The following PEPD variants were observed in gnomAD, a reference collection of about 807,000 sequenced individuals.
PEPD encodes peptidase D.
In PEPD, 53 loss-of-function variants were observed where a neutral mutation model predicts 60.7. The observed-to-expected ratio is 0.87, with a 90% confidence interval of 0.70 to 1.10. PEPD has a LOEUF of 1.10. Among genes scored for constraint, PEPD ranks in the 50% least tolerant of loss-of-function variants. The pLI is 0.00. For missense variants in PEPD, 711 were observed against 711.9 expected (o/e 1.00, Z 0.01); for synonymous variants, 267 against 284.1 (o/e 0.94, Z 0.60).
intron 1 of PEPD, among the ~76,000 whole-genome samples, chr19:33,513,419 C>T (rs1461985532): frequency 1.3e-5 from 2 of 152,072 alleles, no homozygotes; most frequent in African/African-American, 4.8e-5. Flanking sequence ...CAGCCTCCCC[C>T]GACACAAAGC....
At chr19:33,425,687 G>GA (rs1008653386) in intron 9 of PEPD, among the ~76,000 whole-genome samples, 2 of 151,678 alleles carry the variant, frequency 1.3e-5, no homozygotes, top group African/African-American at 2.4e-5. Flanking sequence ...ATATTTAAAG[G>GA]AAAAAAAATG....
At chr19:33,512,025 C>T (rs192769760) in intron 2 of PEPD, among the ~76,000 whole-genome samples, 2 of 152,316 alleles carry the variant, frequency 1.3e-5, no homozygotes, top group Non-Finnish European at 2.9e-5. Context: ...CTCCCCTTCG[C>T]ATTCCCATCT....
intron 1 of PEPD, among the ~76,000 whole-genome samples, chr19:33,520,228 A>G (rs1042529128): frequency 6.6e-6 from 1 of 152,112 alleles, no homozygotes; most frequent in Admixed American, 6.6e-5. Flanking sequence ...ACTCCCTGTG[A>G]GCACCGAGCC....
intron 9 of PEPD, among the ~76,000 whole-genome samples, chr19:33,438,323 C>A (rs559062034): frequency 6.6e-6 from 1 of 152,346 alleles, no homozygotes; most frequent in African/African-American, 2.4e-5. Flanking sequence ...TCCTGCCCTG[C>A]AGGGGGCCCC....
chr19:33,418,510 A>G (rs1029074723), intron 9 of PEPD, among the ~76,000 whole-genome samples: 5 of 152,210 alleles, frequency 3.3e-5, no homozygotes, highest in Admixed American at 1.3e-4. Flanking sequence ...TTGAATTCCC[A>G]TGGAAGGAGG....
chr19:33,512,516 C>G (rs1970946363), intron 2 of PEPD, 77 bp downstream of exon 2: 1 of 1,443,622 alleles, frequency 6.9e-7, no homozygotes, highest in Admixed American at 1.7e-5. Context: ...ACTGGCCAAG[C>G]TGGGGCCTCC....
chr19:33,390,221 T>C (rs1641531582), intron 13 of PEPD, among the ~76,000 whole-genome samples: 1 of 152,184 alleles, frequency 6.6e-6, no homozygotes, highest in African/African-American at 2.4e-5. Flanking sequence ...GAAAACAGTT[T>C]GCTGCCAATT....
chr19:33,488,538 G>C (rs967800237), intron 6 of PEPD, among the ~76,000 whole-genome samples: 2 of 152,086 alleles, frequency 1.3e-5, no homozygotes, highest in Admixed American at 1.3e-4. Flanking sequence ...CTGAGGGCCT[G>C]GGGGCCTGGG....
At chr19:33,428,069 T>C (rs1440933906) in intron 9 of PEPD, among the ~76,000 whole-genome samples, 1 of 152,178 alleles carries the variant, frequency 6.6e-6, no homozygotes, top group Admixed American at 6.5e-5. Context: ...GTGGTCGTTA[T>C]GTGATGAGGG....
Position 33,387,131 on chromosome 19 carries a change from A to G in PEPD, c.*213T>C. The G allele has an allele frequency of 1.7e-6, 1 of 599,458 alleles. No individual in the cohort carries two copies. The highest frequency in any genetic ancestry group is 3.0e-5 in the Admixed American group (1 of 33,842). The allele number at this position is 599,458 out of a possible 1,614,324, so 37.1% of individuals were successfully genotyped here. ...AAGTCGCTCATTTAATAAGCAAGGT[A>G]TAAAACAGATTAAAGGTGGGAGCCT... On this transcript the variant is annotated 3_prime_UTR_variant, in exon 15 of 15. Transcript: ENST00000244137.
intron 4 of PEPD, among the ~76,000 whole-genome samples, chr19:33,497,383 C>T (rs1172316838): frequency 1.3e-5 from 2 of 152,270 alleles, no homozygotes; most frequent in Non-Finnish European, 2.9e-5. Flanking sequence ...GGTGATCCCG[C>T]CAGCCTTTGC....
chr19:33,411,563 G>A (rs1968773804), intron 11 of PEPD, 109 bp downstream of exon 11: 1 of 722,486 alleles, frequency 1.4e-6, no homozygotes, highest in Non-Finnish European at 2.5e-6. Context: ...ACTTGCTGTG[G>A]TCAGCCCTCT....
chr19:33,446,952 C>A (rs967725845), intron 9 of PEPD, among the ~76,000 whole-genome samples: 4 of 152,220 alleles, frequency 2.6e-5, no homozygotes, highest in Non-Finnish European at 4.4e-5. Context: ...CCCAGCCAGG[C>A]TCCGACTCAA....
At chr19:33,401,656 C>G in intron 12 of PEPD, 65 bp downstream of exon 12, 3 of 1,477,130 alleles carry the variant, frequency 2.0e-6, no homozygotes, top group Admixed American at 3.7e-5. Flanking sequence ...CTGCAGGCAC[C>G]TGCCACATAG....
At chr19:33,401,578 C>T (rs1468611424) in intron 12 of PEPD, 143 bp downstream of exon 12, 2 of 803,464 alleles carry the variant, frequency 2.5e-6, no homozygotes, top group Non-Finnish European at 4.1e-6. Flanking sequence ...GACCTGACGC[C>T]ACTGGAATCT....
intron 12 of PEPD, among the ~76,000 whole-genome samples, chr19:33,400,193 C>T (rs1968457073): frequency 6.6e-6 from 1 of 152,108 alleles, no homozygotes; most frequent in African/African-American, 2.4e-5. Flanking sequence ...TGGGGGCAAG[C>T]TGGGGGGGCT....
intron 9 of PEPD, among the ~76,000 whole-genome samples, chr19:33,434,203 C>T (rs923545101): frequency 4.6e-5 from 7 of 152,062 alleles, no homozygotes; most frequent in Non-Finnish European, 7.4e-5. Context: ...TTTCACTGCC[C>T]GACAGTTCTC....
intron 9 of PEPD, among the ~76,000 whole-genome samples, chr19:33,451,039 T>C (rs1421826772): frequency 6.6e-6 from 1 of 152,204 alleles, no homozygotes; most frequent in Non-Finnish European, 1.5e-5. Context: ...AAAGTGGGTA[T>C]AAATATGACT....
At chr19:33,474,981 TAAAAAAAAAA>T (rs67443412) in intron 7 of PEPD, among the ~76,000 whole-genome samples, 19,316 of 138,600 alleles carry the variant, frequency 0.14, 1,619 homozygotes, top group Non-Finnish European at 0.2. Flanking sequence ...TCCTGTCTCT[TAAAAAAAAAA>T]AAAAAAAGAC....
Sources: allele counts gnomAD v4.1 joint callset (sites outside exome capture counted in the v4.1 genomes callset), GRCh38; gene constraint gnomAD v4.1.1; transcripts MANE v1.5; gene names NCBI Gene and HGNC (gene_info 2026-07-23, HGNC 2026-07-21).